MED13L: variants seen among roughly 807,000 people sequenced by gnomAD.
MED13L encodes mediator of RNA polymerase II transcription subunit 13-like.
Under a neutral mutation model 220.9 loss-of-function variants are expected in MED13L, and 7 were observed. That is an observed-to-expected ratio of 0.03 (90% CI 0.02 to 0.06). The LOEUF is 0.06. Ranked by LOEUF, MED13L falls within the 10% of genes least tolerant of loss-of-function variation. The pLI, the probability that MED13L is intolerant of heterozygous loss-of-function variation, is 1.00. For missense variants in MED13L, 1,965 were observed against 2,760.5 expected (o/e 0.71, Z 6.46); for synonymous variants, 1,011 against 1,015.2 (o/e 1.00, Z 0.08).
chr12:116,087,100 G>A (rs1871759245), intron 4 of MED13L, among the ~76,000 whole-genome samples: 1 of 152,074 alleles, frequency 6.6e-6, no homozygotes, highest in Non-Finnish European at 1.5e-5. Flanking sequence ...TCTAGTACAA[G>A]AAATTACCAA....
intron 3 of MED13L, among the ~76,000 whole-genome samples, chr12:116,104,055 G>GA (rs1338124643): frequency 3.4e-5 from 4 of 118,576 alleles, no homozygotes; most frequent in African/African-American, 1.3e-4. Context: ...TTGTCGCCCA[G>GA]ACTGGAGTGC....
At chr12:116,043,241 T>C (rs1881642366) in intron 4 of MED13L, among the ~76,000 whole-genome samples, 1 of 152,042 alleles carries the variant, frequency 6.6e-6, no homozygotes, top group Admixed American at 6.5e-5. Flanking sequence ...AAAACCACAA[T>C]AAGCAATACA....
chr12:116,180,052 T>C (rs893393085), intron 2 of MED13L, among the ~76,000 whole-genome samples: 2 of 152,218 alleles, frequency 1.3e-5, no homozygotes, highest in African/African-American at 4.8e-5. Context: ...GTGTTTCGCA[T>C]TTCAAAATTG....
chr12:115,998,984 G>GA (rs1566001580), intron 14 of MED13L, among the ~76,000 whole-genome samples: 1 of 151,906 alleles, frequency 6.6e-6, no homozygotes, highest in Non-Finnish European at 1.5e-5. Flanking sequence ...AGCCAAACAA[G>GA]AAACTGGCAG....
chr12:116,276,363 G>A (rs1873832730), intron 1 of MED13L: 4 of 761,248 alleles, frequency 5.3e-6, no homozygotes, highest in South Asian at 3.0e-5. Flanking sequence ...CGGATTCGTT[G>A]TTAGGATAGA....
At chr12:116,208,510 C>T (rs1298404019) in intron 2 of MED13L, among the ~76,000 whole-genome samples, 1 of 152,226 alleles carries the variant, frequency 6.6e-6, no homozygotes, top group African/African-American at 2.4e-5. Flanking sequence ...CAACAGTTAA[C>T]TATCACCCCA....
chr12:116,190,422 G>A (rs1881197657), intron 2 of MED13L, among the ~76,000 whole-genome samples: 1 of 152,118 alleles, frequency 6.6e-6, no homozygotes, highest in Non-Finnish European at 1.5e-5. Context: ...TTTTCAAGTA[G>A]GTTCATTTTT....
chr12:116,014,758 C>T (rs1279051411), intron 8 of MED13L, among the ~76,000 whole-genome samples: 10 of 152,080 alleles, frequency 6.6e-5, no homozygotes, highest in East Asian at 1.9e-4. Flanking sequence ...ACAATAGGGA[C>T]GCATTCATAC....
At chr12:115,972,349 G>A in intron 25 of MED13L, 113 bp from the exon 26 acceptor site, 1 of 1,243,926 alleles carries the variant, frequency 8.0e-7, no homozygotes, top group Non-Finnish European at 1.1e-6. Context: ...GGGCCCTAAA[G>A]GGAATTATGG....
chr12:116,206,621 C>T (rs1882350587), intron 2 of MED13L, among the ~76,000 whole-genome samples: 1 of 150,328 alleles, frequency 6.7e-6, no homozygotes, highest in Admixed American at 6.6e-5. Context: ...AGCAAGTAGC[C>T]TTTTTTTTTC....
At chr12:116,188,778 G>C (rs1881070443) in intron 2 of MED13L, among the ~76,000 whole-genome samples, 1 of 152,018 alleles carries the variant, frequency 6.6e-6, no homozygotes, top group South Asian at 2.1e-4. Context: ...TAATTTTGCT[G>C]TATCTTTGTC....
intron 2 of MED13L, among the ~76,000 whole-genome samples, chr12:116,151,979 A>G (rs1878075133): frequency 6.6e-6 from 1 of 151,826 alleles, no homozygotes; most frequent in African/African-American, 2.4e-5. Flanking sequence ...CTCAAATACA[A>G]CCTCTTCCTT....
At chr12:116,172,928 A>C (rs866408671) in intron 2 of MED13L, among the ~76,000 whole-genome samples, 7 of 114,412 alleles carry the variant, frequency 6.1e-5, no homozygotes, top group African/African-American at 1.2e-4. Context: ...CATTTAAGAC[A>C]AAAAAAAAAA....
At chr12:116,098,968 A>G (rs1377887554) in intron 3 of MED13L, among the ~76,000 whole-genome samples, 2 of 152,208 alleles carry the variant, frequency 1.3e-5, no homozygotes, top group African/African-American at 4.8e-5. Context: ...CTAGAACTCT[A>G]GTGTTTAATA....
chr12:116,028,522 T>C lies in MED13L; in HGVS notation c.480-5921A>G, dbSNP rs1880534392. Among the ~76,000 whole-genome samples, 3 of 152,316 alleles carry C rather than the reference T, an allele frequency of 2.0e-5. No individual in the cohort carries two copies. The South Asian group carries it at 6.2e-4, about 32-fold the overall frequency. On this transcript the variant is annotated intron_variant, in intron 4 of 30. Transcript: ENST00000281928. ...TGGAATAAAAACCTGGTCCTTCTTC[T>C]TAACATAGTGTTTAGTACATCCAAG... is the stretch of plus-strand genomic sequence containing the variant.
chr12:116,067,129 A>G (rs1433750429), intron 4 of MED13L, among the ~76,000 whole-genome samples: 1 of 152,188 alleles, frequency 6.6e-6, no homozygotes, highest in African/African-American at 2.4e-5. Flanking sequence ...AAAAAGCTAT[A>G]AGATAGAGAA....
rs77240467 is a variant in MED13L, at chr12:116,046,352, G to C, written c.480-23751C>G. On this transcript the variant is annotated intron_variant, in intron 4 of 30. Transcript: ENST00000281928. ...TGAAAAAAAAATCACAAAAGAAAAA[G>C]TTAATGCTCTGATACAAAATCTAAA... Among the ~76,000 whole-genome samples, 348 of 151,994 alleles carry C rather than the reference G, an allele frequency of 2.3e-3. 1 individual carries two copies. The highest frequency in any genetic ancestry group is 4.4e-3 in the Non-Finnish European group (299 of 67,962).
intron 2 of MED13L, chr12:116,236,908 C>A (rs1413239112): frequency 1.1e-5 from 11 of 980,412 alleles, no homozygotes; most frequent in Non-Finnish European, 1.3e-5. Context: ...CACCAAATTA[C>A]ATGAAAAACA....
At chr12:116,225,099 G>A (rs910987741) in intron 2 of MED13L, among the ~76,000 whole-genome samples, 5 of 152,180 alleles carry the variant, frequency 3.3e-5, no homozygotes, top group Non-Finnish European at 5.9e-5. Context: ...GTGGGCAACT[G>A]AGCTGAATCA....
Sources: gnomAD v4.1 joint callset for allele counts (sites outside exome capture counted in the v4.1 genomes callset) on GRCh38, gnomAD v4.1.1 for gene constraint, MANE v1.5 for transcripts, NCBI Gene and HGNC (gene_info 2026-07-23, HGNC 2026-07-21) for gene names.